The following PRR5L variants were observed in gnomAD, a reference collection of about 807,000 sequenced individuals.
PRR5L encodes the protein proline rich 5 like.
A neutral mutation model predicts 36.4 loss-of-function variants in PRR5L; 21 were observed. The ratio of observed to expected loss-of-function variants is 0.58; its 90% confidence interval spans 0.41 to 0.83. The LOEUF is 0.83. Among genes scored for constraint, PRR5L ranks in the 40% least tolerant of loss-of-function variants. The pLI is 0.00. For synonymous variants in PRR5L, 188 were observed against 197.0 expected (o/e 0.95, Z 0.38); for missense variants, 381 against 473.3 (o/e 0.80, Z 1.81).
intron 1 of PRR5L, among the ~76,000 whole-genome samples, chr11:36,305,527 T>C (rs1856421204): frequency 6.6e-6 from 1 of 152,214 alleles, no homozygotes; most frequent in Non-Finnish European, 1.5e-5. Context: ...AATGGTTGAA[T>C]TGTATGGTAG....
Position 36,398,136 on chromosome 11 carries a change from G to A in PRR5L, c.-125-2861G>A, listed in dbSNP as rs368337471. On this transcript the variant is annotated intron_variant, in intron 1 of 8. Transcript: ENST00000530639. ...ATAAAGCCCGATGCCTGTCTTCAAG[G>A]AATTTGCAGAATGGCCTAGGTGGGA... Among the ~76,000 whole-genome samples, 34 of 152,306 alleles carry A rather than the reference G, an allele frequency of 2.2e-4. No homozygotes were observed. The South Asian group carries it at 6.6e-3, about 30-fold the overall frequency.
At position 36,323,445 on chromosome 11, in the gene PRR5L, TTCA is replaced by T. The variant is rs556070284; in HGVS notation, c.-126+27008_-126+27010del. On this transcript the variant is annotated intron_variant, in intron 1 of 8. Transcript: ENST00000530639. ...CTTTAGTCCTCTGTGTGTTGGTTCC[TTCA>T]GCCTGGTAGCCAGGCTGGGCTGAAG... 666 of 152,358 alleles carry T rather than the reference TTCA, an allele frequency of 4.4e-3. 4 individuals carry two copies. The highest frequency in any genetic ancestry group is 7.2e-3 in the Non-Finnish European group (491 of 68,036). The allele number at this position is 152,358 out of a possible 1,614,324, so 9.4% of individuals were successfully genotyped here. A position where few individuals can be genotyped will look rare whatever the true frequency, so the allele number is the denominator to read the frequency against.
intron 3 of PRR5L, among the ~76,000 whole-genome samples, chr11:36,414,889 TA>T (rs1401927346): frequency 7.0e-6 from 1 of 142,016 alleles, no homozygotes; most frequent in East Asian, 2.0e-4. Flanking sequence ...AATTTTTGTA[TA>T]AGGTGTAAGG....
At chr11:36,375,066 C>A (rs185731255) in intron 1 of PRR5L, among the ~76,000 whole-genome samples, 2 of 152,180 alleles carry the variant, frequency 1.3e-5, no homozygotes, top group East Asian at 3.9e-4. Flanking sequence ...GAAACCCTAT[C>A]TCTACTAAAA....
At chr11:36,322,473 A>G (rs964032985) in intron 1 of PRR5L, among the ~76,000 whole-genome samples, 2 of 152,180 alleles carry the variant, frequency 1.3e-5, no homozygotes, top group South Asian at 2.1e-4. Context: ...TTATCTGCCT[A>G]CCGTACTTTG....
intron 1 of PRR5L, among the ~76,000 whole-genome samples, chr11:36,348,885 A>G (rs1040447909): frequency 6.6e-6 from 1 of 152,120 alleles, no homozygotes; most frequent in Non-Finnish European, 1.5e-5. Flanking sequence ...ACGTATAGTA[A>G]AAGATTTGTT....
chr11:36,318,525 G>A (rs1004839780), intron 1 of PRR5L, among the ~76,000 whole-genome samples: 6 of 148,806 alleles, frequency 4.0e-5, no homozygotes, highest in African/African-American at 1.5e-4. Flanking sequence ...GGATGGATAT[G>A]TGGAGCTACT....
intron 4 of PRR5L, among the ~76,000 whole-genome samples, chr11:36,426,970 G>A (rs1858396212): frequency 6.6e-6 from 1 of 152,118 alleles, no homozygotes; most frequent in African/African-American, 2.4e-5. Context: ...TGCTTGGCAG[G>A]AGGCATGCAT....
chr11:36,407,670 C>T (rs1355782448), intron 3 of PRR5L, among the ~76,000 whole-genome samples: 1 of 152,208 alleles, frequency 6.6e-6, no homozygotes, highest in Non-Finnish European at 1.5e-5. Context: ...TTCTTTGGGT[C>T]ACTCATCCCA....
chr11:36,369,316 GAGACC>G (rs1414708676), intron 1 of PRR5L, among the ~76,000 whole-genome samples: 1 of 152,130 alleles, frequency 6.6e-6, no homozygotes, highest in Non-Finnish European at 1.5e-5. Flanking sequence ...ATGAAGCTGG[GAGACC>G]AGTTATCTTA....
chr11:36,315,744 T>A (rs1856549213), intron 1 of PRR5L, among the ~76,000 whole-genome samples: 1 of 152,232 alleles, frequency 6.6e-6, no homozygotes, highest in Admixed American at 6.5e-5. Context: ...AGTGTTGAGA[T>A]CAAATAAAGC....
intron 3 of PRR5L, among the ~76,000 whole-genome samples, chr11:36,409,617 C>T (rs113174790): frequency 5.3e-5 from 8 of 152,192 alleles, no homozygotes; most frequent in East Asian, 1.9e-4. Context: ...TGGGAGGGGA[C>T]GGGAGGAAGG....
Position 36,461,306 on chromosome 11 carries a change from TTGGAACA to T in PRR5L, c.713-1033_713-1027del, listed in dbSNP as rs139700039. ...AAAATGTCTAGGTTTAGCACAGTTT[TTGGAACA>T]TGATGAGAATTCAAAAGCAGCAGTT... On this transcript the variant is annotated intron_variant, in intron 8 of 8. Coordinates refer to ENST00000530639, the MANE Select transcript of PRR5L (RefSeq NM_001160167.2). Among the ~76,000 whole-genome samples the T allele has an allele frequency of 9.2e-3, 1,397 of 152,262 alleles. 18 individuals are homozygous for T. Among genetic ancestry groups the T allele is most frequent in the African/African-American group, 0.032 (1,321 of 41,546 alleles).
intron 1 of PRR5L, among the ~76,000 whole-genome samples, chr11:36,370,868 G>A (rs1857190671): frequency 1.1e-5 from 1 of 94,954 alleles, no homozygotes; most frequent in Non-Finnish European, 2.0e-5. Flanking sequence ...GCAACAGTGG[G>A]AGACTCCATC....
chr11:36,455,065 T>C (rs1429030094), intron 8 of PRR5L, among the ~76,000 whole-genome samples: 6 of 152,164 alleles, frequency 3.9e-5, no homozygotes, highest in African/African-American at 1.4e-4. Flanking sequence ...ACGCTCGACT[T>C]CTCCCACACA....
At chr11:36,401,643 G>A (rs2133558444) in intron 2 of PRR5L, among the ~76,000 whole-genome samples, 1 of 152,248 alleles carries the variant, frequency 6.6e-6, no homozygotes. Context: ...TACTGCCCAG[G>A]CTGGCCTTGA....
chr11:36,381,121 G>A (rs1857360019), intron 1 of PRR5L, among the ~76,000 whole-genome samples: 1 of 152,128 alleles, frequency 6.6e-6, no homozygotes, highest in Non-Finnish European at 1.5e-5. Context: ...GTGCGAATAT[G>A]TTTCCCTCAC....
chr11:36,313,949 A>G (rs929496779), intron 1 of PRR5L, among the ~76,000 whole-genome samples: 41 of 152,208 alleles, frequency 2.7e-4, no homozygotes, highest in Non-Finnish European at 7.3e-5. Flanking sequence ...TTCAAGTCCC[A>G]GCAGTGCTCT....
intron 5 of PRR5L, 85 bp from the exon 6 acceptor site, chr11:36,437,300 G>A: frequency 3.2e-6 from 3 of 927,548 alleles, no homozygotes; most frequent in Non-Finnish European, 3.6e-6. Flanking sequence ...GACATTTTAT[G>A]TGGAACTGTC....
Sources: allele counts gnomAD v4.1 joint callset (sites outside exome capture counted in the v4.1 genomes callset), GRCh38; gene constraint gnomAD v4.1.1; transcripts MANE v1.5; gene names NCBI Gene and HGNC (gene_info 2026-07-23, HGNC 2026-07-21).